Variants in INPP4A observed in about 807,000 individuals in gnomAD.
INPP4A encodes inositol polyphosphate-4-phosphatase, type I, 107kD.
Under a neutral mutation model 119.8 loss-of-function variants are expected in INPP4A, and 33 were observed. That is an observed-to-expected ratio of 0.28 (90% CI 0.21 to 0.37). The LOEUF is 0.37. Among genes scored for constraint, INPP4A ranks in the 10% least tolerant of loss-of-function variants. The pLI, the probability that INPP4A is intolerant of heterozygous loss-of-function variation, is 1.00. For synonymous variants in INPP4A, 496 were observed against 500.7 expected, an observed-to-expected ratio of 0.99 and a Z score of 0.12; for missense variants, 956 against 1,289.9, an observed-to-expected ratio of 0.74 and a Z score of 3.97.
chr2:98,474,018 C>G (rs1462765369), intron 1 of INPP4A, among the ~76,000 whole-genome samples: 1 of 152,224 alleles, frequency 6.6e-6, no homozygotes, highest in Non-Finnish European at 1.5e-5. Flanking sequence ...GTTTGCCCAG[C>G]ATTTTTGTGA....
At position 98,587,715 on chromosome 2, in the gene INPP4A, G is replaced by T; in HGVS notation, c.*107G>T. 2.0e-5 allele frequency: 20 copies of T among 987,566 alleles called. No individual in the cohort carries two copies. The highest frequency in any genetic ancestry group is 5.8e-5 in the South Asian group (3 of 51,998). The allele number at this position is 987,566 out of a possible 1,614,324, so 61.2% of individuals were successfully genotyped here. A position where few individuals can be genotyped will look rare whatever the true frequency, so the allele number is the denominator to read the frequency against. ...TGAAGGATTGGTTTTTATTTTTTGT[G>T]GTTTTTTTAAAAAAAACATTTCACT... On this transcript the variant is annotated 3_prime_UTR_variant, in exon 25 of 25. Coordinates refer to ENST00000409851, the MANE Select transcript of INPP4A (RefSeq NM_001134225.2).
chr2:98,520,057 A>G lies in INPP4A; in HGVS notation c.9A>G (p.Ala3=). 2 of 1,582,350 alleles carry G rather than the reference A, an allele frequency of 1.3e-6. No homozygotes were observed. Among genetic ancestry groups the G allele is most frequent in the Non-Finnish European group, 1.7e-6 (2 of 1,162,736 alleles). The part of the protein sequence containing the change: MT[A]REHSPRHGAR... ...TCATCACCAATGACATCATGACAGCAAGAGAGCACAGCCCTCGCCATGGTG... is the reference window on the plus strand; with the variant it reads ...TCATCACCAATGACATCATGACAGCGAGAGAGCACAGCCCTCGCCATGGTG... Residue 3 remains alanine (A), a synonymous_variant, in exon 3 of 25, where the codon GCA becomes GCG. Coordinates refer to ENST00000409851, the MANE Select transcript of INPP4A (RefSeq NM_001134225.2).
chr2:98,533,087 A>G (rs749094853), intron 4 of INPP4A, among the ~76,000 whole-genome samples: 65 of 152,218 alleles, frequency 4.3e-4, no homozygotes, highest in Non-Finnish European at 5.9e-5. Flanking sequence ...GGTTGGACCT[A>G]TATGAGATTT....
chr2:98,526,828 G>A (rs1688258330), intron 4 of INPP4A, among the ~76,000 whole-genome samples: 1 of 152,188 alleles, frequency 6.6e-6, no homozygotes, highest in African/African-American at 2.4e-5. Flanking sequence ...AAAAGCGGGA[G>A]CGAGCATCTT....
intron 16 of INPP4A, among the ~76,000 whole-genome samples, chr2:98,556,399 A>G (rs904562649): frequency 1.3e-5 from 2 of 152,186 alleles, no homozygotes; most frequent in Admixed American, 6.5e-5. Context: ...AGGACCCTTC[A>G]GGGTAGGACA....
intron 1 of INPP4A, among the ~76,000 whole-genome samples, chr2:98,489,842 A>G (rs957065499): frequency 1.3e-5 from 2 of 151,484 alleles, no homozygotes; most frequent in Non-Finnish European, 2.9e-5. Flanking sequence ...ATGTGGAATT[A>G]CACATAGGGT....
chr2:98,579,930 T>C (rs1007941017), intron 24 of INPP4A, among the ~76,000 whole-genome samples: 16 of 152,286 alleles, frequency 1.1e-4, no homozygotes, highest in African/African-American at 3.9e-4. Flanking sequence ...GCACCAGCTC[T>C]GGGGACATGG....
chr2:98,500,158 A>C (rs1318769882), intron 1 of INPP4A, among the ~76,000 whole-genome samples: 1 of 152,148 alleles, frequency 6.6e-6, no homozygotes, highest in Non-Finnish European at 1.5e-5. Flanking sequence ...CATTTAACTT[A>C]GTAACTTGTG....
chr2:98,567,693 A>T (rs1441040860), intron 21 of INPP4A, among the ~76,000 whole-genome samples: 1 of 152,078 alleles, frequency 6.6e-6, no homozygotes, highest in Non-Finnish European at 1.5e-5. Flanking sequence ...TTGTTTCTTT[A>T]TTGGCCCTGA....
chr2:98,482,497 C>G (rs1035378905), intron 1 of INPP4A, among the ~76,000 whole-genome samples: 1 of 152,246 alleles, frequency 6.6e-6, no homozygotes, highest in African/African-American at 2.4e-5. Context: ...GAAAGGTGGG[C>G]ACCTAGAGGC....
chr2:98,453,533 T>C (rs932256503), intron 1 of INPP4A, among the ~76,000 whole-genome samples: 1 of 152,168 alleles, frequency 6.6e-6, no homozygotes, highest in Non-Finnish European at 1.5e-5. Flanking sequence ...TGTCAAACCC[T>C]AGGGCTGAGT....
intron 1 of INPP4A, among the ~76,000 whole-genome samples, chr2:98,473,626 G>A (rs1312235292): frequency 6.6e-6 from 1 of 152,084 alleles, no homozygotes; most frequent in African/African-American, 2.4e-5. Context: ...CTCTCAGGAG[G>A]TGCCACTCAG....
chr2:98,515,960 G>A (rs978327802), intron 1 of INPP4A, among the ~76,000 whole-genome samples: 5 of 152,188 alleles, frequency 3.3e-5, no homozygotes, highest in Admixed American at 2.0e-4. Context: ...ACATGAGTGC[G>A]CAGAGTGAGG....
At chr2:98,473,653 G>T (rs1676621324) in intron 1 of INPP4A, among the ~76,000 whole-genome samples, 1 of 152,038 alleles carries the variant, frequency 6.6e-6, no homozygotes, top group East Asian at 1.9e-4. Context: ...ACCTCACCCG[G>T]GCCAGATGGT....
intron 13 of INPP4A, among the ~76,000 whole-genome samples, chr2:98,551,616 C>A (rs1693535253): frequency 6.6e-6 from 1 of 152,188 alleles, no homozygotes. Flanking sequence ...TCAGCCCTGA[C>A]CAAGGTGACT....
At chr2:98,581,094 T>C (rs1699232660) in intron 24 of INPP4A, among the ~76,000 whole-genome samples, 1 of 152,220 alleles carries the variant, frequency 6.6e-6, no homozygotes. Context: ...GAGGCAGCTT[T>C]GGCCAAATCC....
chr2:98,530,680 A>G (rs17033009), intron 4 of INPP4A, among the ~76,000 whole-genome samples: 1,582 of 152,314 alleles, frequency 0.01, 43 homozygotes, highest in African/African-American at 0.036. Flanking sequence ...TTCTTAAAAT[A>G]TAGTGTTCAG....
chr2:98,577,377 C>T (rs567266937), intron 24 of INPP4A, among the ~76,000 whole-genome samples: 19 of 152,330 alleles, frequency 1.2e-4, no homozygotes, highest in African/African-American at 4.6e-4. Flanking sequence ...AGCAGGACTG[C>T]CCAGAAAACT....
intron 13 of INPP4A, chr2:98,548,960 A>G (rs1465614172): frequency 6.2e-7 from 1 of 1,612,040 alleles, no homozygotes; most frequent in African/African-American, 1.3e-5. Flanking sequence ...AGCAGTTTTG[A>G]GGAGTGTTGG....
Sources: gnomAD v4.1 joint callset for allele counts (sites outside exome capture counted in the v4.1 genomes callset) on GRCh38, gnomAD v4.1.1 for gene constraint, MANE v1.5 for transcripts, NCBI Gene and HGNC (gene_info 2026-07-23, HGNC 2026-07-21) for gene names.